The following LRP1B variants were observed in gnomAD, a reference collection of about 807,000 sequenced individuals.
LRP1B encodes the protein LDL receptor related protein 1B, also known as low-density lipoprotein receptor-related protein 1B.
LRP1B carries 217 observed loss-of-function variants against 556.6 expected under a neutral mutation model. The observed-to-expected ratio is 0.39, with a 90% CI of 0.35 to 0.44. The LOEUF (loss-of-function observed/expected upper bound fraction) is 0.44. LRP1B is among the 20% of genes least tolerant of loss of function. The pLI is 1.00. For missense variants in LRP1B, 5,053 were observed against 5,620.8 expected (o/e 0.90, Z 3.23); for synonymous variants, 2,047 against 1,865.8 (o/e 1.10, Z -2.50).
At chr2:140,253,008 A>G (rs1264064829) in intron 86 of LRP1B, among the ~76,000 whole-genome samples, 1 of 152,078 alleles carries the variant, frequency 6.6e-6, no homozygotes, top group Non-Finnish European at 1.5e-5. Flanking sequence ...TATTTATTCA[A>G]TACTGTTCTC....
chr2:140,889,699 A>G (rs1346170474), intron 23 of LRP1B, among the ~76,000 whole-genome samples: 1 of 152,206 alleles, frequency 6.6e-6, no homozygotes, highest in African/African-American at 2.4e-5. Flanking sequence ...ACAGAGGTAC[A>G]GAGAAATTAT....
intron 83 of LRP1B, among the ~76,000 whole-genome samples, chr2:140,312,752 T>A (rs1684361252): frequency 6.6e-6 from 1 of 151,946 alleles, no homozygotes; most frequent in Non-Finnish European, 1.5e-5. Context: ...TGTATGAATA[T>A]AGCTCATACA....
intron 35 of LRP1B, among the ~76,000 whole-genome samples, chr2:140,719,323 A>G (rs1490557262): frequency 6.6e-6 from 1 of 152,114 alleles, no homozygotes; most frequent in Non-Finnish European, 1.5e-5. Flanking sequence ...GCTAACAACC[A>G]GAAATTGTGT....
chr2:140,565,436 CA>C (rs1368038299), intron 43 of LRP1B, among the ~76,000 whole-genome samples: 6 of 151,880 alleles, frequency 4.0e-5, no homozygotes, highest in African/African-American at 1.4e-4. Context: ...ATATTCTCAA[CA>C]AAAATTGAAA....
At chr2:141,744,671 G>C (rs1400016190) in intron 2 of LRP1B, among the ~76,000 whole-genome samples, 1 of 152,104 alleles carries the variant, frequency 6.6e-6, no homozygotes, top group Non-Finnish European at 1.5e-5. Flanking sequence ...ATACATCTCT[G>C]TCTCTCCGGG....
At chr2:141,447,257 T>C (rs1320024656) in intron 3 of LRP1B, among the ~76,000 whole-genome samples, 1 of 149,178 alleles carries the variant, frequency 6.7e-6, no homozygotes, top group Non-Finnish European at 1.5e-5. Flanking sequence ...GTTTTTCAGC[T>C]CCATCAGTTC....
chr2:141,588,499 A>C, intron 2 of LRP1B, among the ~76,000 whole-genome samples: 1 of 152,170 alleles, frequency 6.6e-6, no homozygotes, highest in Non-Finnish European at 1.5e-5. Flanking sequence ...GTGTACCATA[A>C]TGTTAACAAC....
intron 1 of LRP1B, among the ~76,000 whole-genome samples, chr2:142,056,644 A>C (rs536543217): frequency 2.0e-5 from 3 of 152,146 alleles, no homozygotes; most frequent in Non-Finnish European, 4.4e-5. Flanking sequence ...CCTTTCTATA[A>C]ATATCAGACA....
Position 141,314,814 on chromosome 2 carries a change from ATATATATATATATGTG to A in LRP1B, c.344-60189_344-60174del, listed in dbSNP as rs1315290287. On this transcript the variant is annotated intron_variant, in intron 3 of 90. Coordinates refer to ENST00000389484, the MANE Select transcript of LRP1B (RefSeq NM_018557.3). ...TCAAAAGAAAAAAAAAAAAATTTAT[ATATATATATATATGTG>A]TATATATATATATACACATATATAT... 7.5e-5 allele frequency among the ~76,000 whole-genome samples: 10 copies of A among 133,490 alleles called. No individual in the cohort carries two copies. The East Asian group carries it at 2.0e-3, about 26-fold the overall frequency. The allele number at this position is 133,490 out of a possible 152,430, so 87.6% of individuals were successfully genotyped here. A position where few individuals can be genotyped will look rare whatever the true frequency, so the allele number is the denominator to read the frequency against.
At chr2:141,994,882 TATC>T (rs1702446457) in intron 1 of LRP1B, among the ~76,000 whole-genome samples, 3 of 152,146 alleles carry the variant, frequency 2.0e-5, no homozygotes, top group Non-Finnish European at 4.4e-5. Flanking sequence ...GCTTTCCTAA[TATC>T]CTACAGCTGC....
chr2:140,987,445 T>G (rs2105349968), intron 17 of LRP1B, among the ~76,000 whole-genome samples: 1 of 152,292 alleles, frequency 6.6e-6, no homozygotes, highest in Non-Finnish European at 1.5e-5. Flanking sequence ...AACTAACAAT[T>G]AAAACTGTTT....
At chr2:140,383,665 G>GTT (rs1683636307) in intron 67 of LRP1B, among the ~76,000 whole-genome samples, 1 of 152,160 alleles carries the variant, frequency 6.6e-6, no homozygotes, top group African/African-American at 2.4e-5. Context: ...CCTCTTACAT[G>GTT]TGTAAAATGT....
chr2:140,923,374 G>T (rs889386489), intron 20 of LRP1B, among the ~76,000 whole-genome samples: 2 of 151,754 alleles, frequency 1.3e-5, no homozygotes, highest in African/African-American at 2.4e-5. Context: ...GATGTTTCTT[G>T]CCTCCCCTAA....
intron 35 of LRP1B, among the ~76,000 whole-genome samples, chr2:140,733,998 A>G (rs1437262738): frequency 1.3e-5 from 2 of 152,196 alleles, no homozygotes; most frequent in Non-Finnish European, 2.9e-5. Context: ...ACTCCTGCTT[A>G]ACCTCAACGA....
chr2:141,558,631 T>C (rs1686042796), intron 2 of LRP1B, among the ~76,000 whole-genome samples: 1 of 151,806 alleles, frequency 6.6e-6, no homozygotes, highest in Admixed American at 6.6e-5. Context: ...GTATCATGAC[T>C]CAACAGCCAA....
At chr2:141,915,948 T>A (rs2104962192) in intron 1 of LRP1B, among the ~76,000 whole-genome samples, 1 of 152,290 alleles carries the variant, frequency 6.6e-6, no homozygotes, top group Non-Finnish European at 1.5e-5. Context: ...GGCAAGGCTG[T>A]GGAGAAAAGA....
At chr2:141,498,341 A>G (rs1310645128) in intron 2 of LRP1B, among the ~76,000 whole-genome samples, 1 of 143,364 alleles carries the variant, frequency 7.0e-6, no homozygotes, top group Non-Finnish European at 1.5e-5. Context: ...AGTCCCAGAC[A>G]ACATCTTTAA....
At chr2:141,518,030 A>G (rs1484605784) in intron 2 of LRP1B, among the ~76,000 whole-genome samples, 1 of 152,182 alleles carries the variant, frequency 6.6e-6, no homozygotes, top group Non-Finnish European at 1.5e-5. Context: ...ATGTTCCCTG[A>G]CATTATGACA....
At chr2:141,389,024 T>A (rs1178841443) in intron 3 of LRP1B, among the ~76,000 whole-genome samples, 1 of 152,170 alleles carries the variant, frequency 6.6e-6, no homozygotes, top group Non-Finnish European at 1.5e-5. Flanking sequence ...TCCGTGTTCA[T>A]AGATTTGAAA....
Sources: allele counts gnomAD v4.1 joint callset (sites outside exome capture counted in the v4.1 genomes callset), GRCh38; gene constraint gnomAD v4.1.1; transcripts MANE v1.5; gene names NCBI Gene and HGNC (gene_info 2026-07-23, HGNC 2026-07-21).